FAM227A: variants seen among roughly 807,000 people sequenced by gnomAD.
FAM227A encodes family with sequence similarity 227 member A.
Under a neutral mutation model 74.7 loss-of-function variants are expected in FAM227A, and 80 were observed. That is an observed-to-expected ratio of 1.07 (90% CI 0.89 to 1.29). The LOEUF (loss-of-function observed/expected upper bound fraction) is 1.29. FAM227A is among the 50% of genes most tolerant of loss of function. FAM227A has a pLI of 0.00. For missense variants in FAM227A, 654 were observed against 683.4 expected (o/e 0.96, Z 0.48); for synonymous variants, 237 against 241.8 (o/e 0.98, Z 0.19).
At chr22:38,641,303 TAC>T (rs1418915390) in intron 3 of FAM227A, among the ~76,000 whole-genome samples, 1 of 152,156 alleles carries the variant, frequency 6.6e-6, no homozygotes, top group Non-Finnish European at 1.5e-5. Context: ...AGTATTCAAA[TAC>T]ACAGATTCCC....
intron 3 of FAM227A, among the ~76,000 whole-genome samples, chr22:38,645,027 C>T (rs2092204380): frequency 6.7e-6 from 1 of 149,110 alleles, no homozygotes; most frequent in Non-Finnish European, 1.5e-5. Flanking sequence ...GCGGAGGTTG[C>T]AGTGAGCCAA....
rs892301785 is a variant in FAM227A, at chr22:38,580,925, T to G, written c.*5200A>C. 1 of 152,180 alleles carries G rather than the reference T, an allele frequency of 6.6e-6. No individual in the cohort carries two copies. Among genetic ancestry groups the G allele is most frequent in the East Asian group, 1.9e-4 (1 of 5,174 alleles). The allele number at this position is 152,180 out of a possible 1,614,324, so 9.4% of individuals were successfully genotyped here. A position where few individuals can be genotyped will look rare whatever the true frequency, so the allele number is the denominator to read the frequency against. ...TCCCGAATAGCTAGGATTCCAGGCA[T>G]GCACCACCACGCCTGGCTGATTTTT... On this transcript the variant is annotated 3_prime_UTR_variant, in exon 17 of 17. Transcript: ENST00000535113.
At chr22:38,613,227 AT>A (rs1602948112) in intron 11 of FAM227A, among the ~76,000 whole-genome samples, 2 of 53,594 alleles carry the variant, frequency 3.7e-5, no homozygotes, top group African/African-American at 1.5e-4. Context: ...CTGTATATAT[AT>A]TATATATATA....
chr22:38,650,189 GACAA>G lies in FAM227A; in HGVS notation c.-25_-22del. 1.3e-6 allele frequency: 2 copies of G among 1,549,460 alleles called. No homozygotes were observed. The highest frequency in any genetic ancestry group is 1.7e-6 in the Non-Finnish European group (2 of 1,146,154). The stretch of plus-strand genomic sequence containing the variant: ...TTCATTGTCCAATTTCTTGTAAATG[GACAA>G]ACAAAAAGCTTCCACTTTTAAGAGC... On this transcript the variant is annotated 5_prime_UTR_variant, in exon 2 of 17. Transcript: ENST00000535113.
chr22:38,634,310 A>C (rs1386277461), intron 6 of FAM227A, among the ~76,000 whole-genome samples: 2 of 152,006 alleles, frequency 1.3e-5, no homozygotes, highest in African/African-American at 2.4e-5. Flanking sequence ...AAATGTTAAC[A>C]TACACTCTTT....
Position 38,623,227 on chromosome 22 carries a change from G to C in FAM227A, c.903C>G (p.Asp301Glu). Residue 301 changes from aspartate to glutamate, a missense_variant, in exon 10 of 17, where the codon GAC (aspartate) becomes GAG (glutamate). Transcript: ENST00000535113. ...SYDSWDYSEL[D>E]PERFRREELM... Reference sequence around the variant, plus strand: ...ATTCTTCTCTGCGGAATCGCTCTGGGTCTAGTTCCGAGTAGTCCCAGCTGT... The same window carrying C: ...ATTCTTCTCTGCGGAATCGCTCTGGCTCTAGTTCCGAGTAGTCCCAGCTGT... The C allele has an allele frequency of 6.4e-7, 1 of 1,551,650 alleles. No homozygotes were observed. The highest frequency in any genetic ancestry group is 8.7e-7 in the Non-Finnish European group (1 of 1,146,956).
intron 11 of FAM227A, among the ~76,000 whole-genome samples, chr22:38,617,441 G>A (rs887713131): frequency 6.6e-6 from 1 of 151,962 alleles, no homozygotes; most frequent in African/African-American, 2.4e-5. Flanking sequence ...GACTACAGGT[G>A]TGTGCCACCA....
chr22:38,622,924 A>T (rs1373775206), intron 10 of FAM227A, among the ~76,000 whole-genome samples: 1 of 150,616 alleles, frequency 6.6e-6, no homozygotes, highest in Non-Finnish European at 1.5e-5. Context: ...AGCACAGTGC[A>T]TGGCACACAG....
intron 11 of FAM227A, among the ~76,000 whole-genome samples, chr22:38,615,521 G>A (rs970684907): frequency 6.6e-6 from 1 of 152,164 alleles, no homozygotes; most frequent in Non-Finnish European, 1.5e-5. Flanking sequence ...GGATCCCTGA[G>A]GAAAGCAGAT....
intron 3 of FAM227A, among the ~76,000 whole-genome samples, chr22:38,642,489 G>A (rs569691293): frequency 4.5e-4 from 68 of 152,306 alleles, no homozygotes; most frequent in Non-Finnish European, 9.1e-4. Flanking sequence ...ATATGACACA[G>A]AAGGTACAAT....
intron 6 of FAM227A, among the ~76,000 whole-genome samples, chr22:38,629,661 C>T (rs959095029): frequency 1.1e-4 from 16 of 152,106 alleles, no homozygotes; most frequent in Non-Finnish European, 1.2e-4. Context: ...CACACAGGTG[C>T]CTCTCCTTTA....
chr22:38,640,627 G>C (rs973963869), intron 3 of FAM227A, among the ~76,000 whole-genome samples: 8 of 152,258 alleles, frequency 5.3e-5, no homozygotes, highest in African/African-American at 1.7e-4. Context: ...CTGTGTTTTT[G>C]CCCTCAAGGG....
intron 6 of FAM227A, among the ~76,000 whole-genome samples, chr22:38,631,991 A>C (rs2091923256): frequency 1.3e-5 from 2 of 152,124 alleles, no homozygotes; most frequent in Non-Finnish European, 2.9e-5. Flanking sequence ...ACGGTAGTTA[A>C]ATCTTCCTAA....
At chr22:38,611,816 G>A (rs2091419555) in intron 11 of FAM227A, among the ~76,000 whole-genome samples, 3 of 152,266 alleles carry the variant, frequency 2.0e-5, no homozygotes, top group East Asian at 1.9e-4. Flanking sequence ...GTCCAGTCTT[G>A]TATATTTACC....
Position 38,582,707 on chromosome 22 carries a change from G to A in FAM227A, c.*3418C>T. On this transcript the variant is annotated 3_prime_UTR_variant, in exon 17 of 17. Coordinates refer to ENST00000535113, the MANE Select transcript of FAM227A (RefSeq NM_001013647.2). ...ACAGACAGAAATGCAGTTTGTCCTG[G>A]GCTTAGAAAATAAGGAGACCTTCTT... 2 of 1,048,118 alleles carry A rather than the reference G, an allele frequency of 1.9e-6. No individual in the cohort carries two copies. Among genetic ancestry groups the A allele is most frequent in the Non-Finnish European group, 2.8e-6 (2 of 724,604 alleles). 64.9% of individuals were successfully genotyped at this position (1,048,118 alleles called of 1,614,324 possible).
Position 38,605,240 on chromosome 22 carries a change from A to T in FAM227A, c.1221+14T>A. 2.0e-6 allele frequency: 3 copies of T among 1,467,084 alleles called. No individual in the cohort carries two copies. The highest frequency in any genetic ancestry group is 2.8e-6 in the Non-Finnish European group (3 of 1,070,054). 90.9% of individuals were successfully genotyped at this position (1,467,084 alleles called of 1,614,324 possible). ...GAATCACCTTTACTATTAAATTTCC[A>T]ATCATGTGCTCACCTTTTTAGGAAA... On this transcript the variant is annotated intron_variant, in intron 13 of 16. Transcript: ENST00000535113.
rs989307243 is a variant in FAM227A at position 38,656,139 on chromosome 22, T to C, written c.-114A>G. 3 of 152,192 alleles carry C rather than the reference T, an allele frequency of 2.0e-5. No individual in the cohort carries two copies. Among genetic ancestry groups the C allele is most frequent in the Admixed American group, 1.3e-4 (2 of 15,276 alleles). 9.4% of individuals were successfully genotyped at this position (152,192 alleles called of 1,614,324 possible). On this transcript the variant is annotated 5_prime_UTR_variant, in exon 1 of 17. Coordinates refer to ENST00000535113, the MANE Select transcript of FAM227A (RefSeq NM_001013647.2). The stretch of plus-strand genomic sequence containing the variant: ...TCTTACCTGAAAGCATCGGCGGAAT[T>C]TGACGAACCCGGGGCCGGTCCCGCC...
intron 14 of FAM227A, among the ~76,000 whole-genome samples, chr22:38,597,652 A>G (rs963226170): frequency 6.6e-6 from 1 of 152,170 alleles, no homozygotes; most frequent in African/African-American, 2.4e-5. Flanking sequence ...ATACTTTTTT[A>G]GACTGTCATC....
At chr22:38,621,378 G>C (rs1010201520) in intron 10 of FAM227A, among the ~76,000 whole-genome samples, 1 of 137,294 alleles carries the variant, frequency 7.3e-6, no homozygotes, top group Non-Finnish European at 1.6e-5. Context: ...GAAAAGAAAA[G>C]AAAACAAGAA....
Sources: allele counts gnomAD v4.1 joint callset (sites outside exome capture counted in the v4.1 genomes callset), GRCh38; gene constraint gnomAD v4.1.1; transcripts MANE v1.5; gene names NCBI Gene and HGNC (gene_info 2026-07-23, HGNC 2026-07-21).